The following DACH2 variants were observed in gnomAD, a reference collection of about 807,000 sequenced individuals.
DACH2 encodes dachshund family transcription factor 2, also known as dachshund homolog 2.
DACH2 carries 17 observed loss-of-function variants against 35.8 expected under a neutral mutation model. The observed-to-expected ratio is 0.48, with a 90% CI of 0.33 to 0.71. DACH2 has a LOEUF of 0.71. Among genes scored for constraint, DACH2 ranks in the 30% least tolerant of loss-of-function variants. The pLI is 0.02. For missense variants in DACH2, 469 were observed against 472.7 expected, an observed-to-expected ratio of 0.99 and a Z score of 0.07; for synonymous variants, 195 against 177.3, an observed-to-expected ratio of 1.10 and a Z score of -0.79.
chrX:86,614,586 C>A (rs2039983354), intron 3 of DACH2, among the ~76,000 whole-genome samples: 1 of 111,003 alleles, frequency 9.0e-6, no homozygotes, highest in Non-Finnish European at 1.9e-5. Context: ...TCTTTTTTTA[C>A]CACCTTCACA....
chrX:86,675,150 T>C (rs186453328), intron 4 of DACH2, among the ~76,000 whole-genome samples: 262 of 111,171 alleles, frequency 2.4e-3, no homozygotes, highest in African/African-American at 7.9e-3. Flanking sequence ...TTATGCTGCT[T>C]ATATTTAAAT....
chrX:86,626,437 G>A (rs2040138259), intron 3 of DACH2, among the ~76,000 whole-genome samples: 1 of 112,621 alleles, frequency 8.9e-6, no homozygotes, highest in Admixed American at 9.3e-5. Context: ...GCTGTCAGTG[G>A]AACTACTATT....
chrX:86,625,952 C>G (rs188210082), intron 3 of DACH2, among the ~76,000 whole-genome samples: 1 of 111,222 alleles, frequency 9.0e-6, no homozygotes, highest in Admixed American at 9.6e-5. Context: ...CCTAGTCCCT[C>G]CCAAATCTCA....
At chrX:86,510,643 C>A (rs1297480337) in intron 2 of DACH2, among the ~76,000 whole-genome samples, 1 of 110,965 alleles carries the variant, frequency 9.0e-6, no homozygotes, top group Non-Finnish European at 1.9e-5. Flanking sequence ...TTTAAATAAC[C>A]TAGAAATATT....
At chrX:86,527,408 T>C (rs2038649778) in intron 3 of DACH2, among the ~76,000 whole-genome samples, 1 of 111,798 alleles carries the variant, frequency 8.9e-6, no homozygotes, top group Non-Finnish European at 1.9e-5. Flanking sequence ...ATATATTAGT[T>C]TGTATTTTCT....
At chrX:86,305,614 AG>A (rs1229864418) in intron 1 of DACH2, among the ~76,000 whole-genome samples, 2 of 111,434 alleles carry the variant, frequency 1.8e-5, no homozygotes, top group African/African-American at 3.3e-5. Context: ...TGCATAGCAA[AG>A]GAAATAATAG....
chrX:86,306,667 C>T (rs1372936656), intron 1 of DACH2, among the ~76,000 whole-genome samples: 1 of 111,994 alleles, frequency 8.9e-6, no homozygotes, highest in Non-Finnish European at 1.9e-5. Context: ...TTCTTTCAAA[C>T]ATTGGACTCC....
At chrX:86,825,948 A>G (rs780655483) in intron 11 of DACH2, among the ~76,000 whole-genome samples, 1 of 112,012 alleles carries the variant, frequency 8.9e-6, no homozygotes, top group African/African-American at 3.2e-5. Context: ...ATACTTGCCT[A>G]TTCTTCCTCA....
intron 1 of DACH2, among the ~76,000 whole-genome samples, chrX:86,337,770 AT>A (rs1170256204): frequency 8.9e-6 from 1 of 111,960 alleles, no homozygotes; most frequent in African/African-American, 3.2e-5. Context: ...AGACTGGCAA[AT>A]TGGATAAAGA....
At chrX:86,825,591 A>G (rs990633619) in intron 11 of DACH2, among the ~76,000 whole-genome samples, 49 of 112,182 alleles carry the variant, frequency 4.4e-4, no homozygotes, top group Admixed American at 2.5e-3. Context: ...AGAGGATGGC[A>G]TTCCATATAT....
At chrX:86,712,603 A>G (rs2041291878) in intron 5 of DACH2, among the ~76,000 whole-genome samples, 1 of 111,169 alleles carries the variant, frequency 9.0e-6, no homozygotes, top group Non-Finnish European at 1.9e-5. Flanking sequence ...TACAATTGTA[A>G]TTTGTCAATT....
At chrX:86,787,550 G>A (rs781485240) in intron 7 of DACH2, among the ~76,000 whole-genome samples, 10 of 108,668 alleles carry the variant, frequency 9.2e-5, no homozygotes, top group East Asian at 2.9e-4. Context: ...CCCAGGAGGC[G>A]GAGGTTGCAG....
intron 1 of DACH2, among the ~76,000 whole-genome samples, chrX:86,326,212 C>T (rs1217905110): frequency 1.8e-5 from 2 of 110,625 alleles, no homozygotes; most frequent in African/African-American, 6.6e-5. Flanking sequence ...TGCGGTGGCT[C>T]ACGCCTGTGA....
intron 2 of DACH2, among the ~76,000 whole-genome samples, chrX:86,418,348 C>T (rs1009287650): frequency 2.7e-5 from 3 of 112,393 alleles, no homozygotes; most frequent in Non-Finnish European, 5.6e-5. Context: ...TTTCACTGCC[C>T]TAGCAGAAGT....
At chrX:86,210,289 A>AT (rs902557164) in intron 1 of DACH2, among the ~76,000 whole-genome samples, 2 of 111,721 alleles carry the variant, frequency 1.8e-5, no homozygotes, top group Non-Finnish European at 1.9e-5. Context: ...TACTATCTCT[A>AT]TTTTTTTGAA....
chrX:86,585,508 C>G (rs1242384233), intron 3 of DACH2, among the ~76,000 whole-genome samples: 4 of 110,594 alleles, frequency 3.6e-5, no homozygotes, highest in African/African-American at 1.3e-4. Flanking sequence ...AGGTAATAAG[C>G]ATAGTACCCT....
At chrX:86,513,688 G>T (rs933382495) in intron 2 of DACH2, among the ~76,000 whole-genome samples, 9 of 112,041 alleles carry the variant, frequency 8.0e-5, no homozygotes, top group African/African-American at 2.6e-4. Context: ...TGTTAGTGTG[G>T]CCACTCCAAG....
At chrX:86,361,777 G>A (rs747876509) in intron 1 of DACH2, among the ~76,000 whole-genome samples, 299 of 111,108 alleles carry the variant, frequency 2.7e-3, no homozygotes, top group Admixed American at 4.1e-3. Flanking sequence ...CAAATATTTC[G>A]AAATGAAAAT....
At chrX:86,322,013 C>A (rs2035024928) in intron 1 of DACH2, among the ~76,000 whole-genome samples, 1 of 109,998 alleles carries the variant, frequency 9.1e-6, no homozygotes, top group Non-Finnish European at 1.9e-5. Flanking sequence ...GAAGGGGCAC[C>A]AGATGAGGGA....
Sources: gnomAD v4.1 joint callset for allele counts (sites outside exome capture counted in the v4.1 genomes callset) on GRCh38, gnomAD v4.1.1 for gene constraint, MANE v1.5 for transcripts, NCBI Gene and HGNC (gene_info 2026-07-23, HGNC 2026-07-21) for gene names.